ITGA9: variants seen among roughly 807,000 people sequenced by gnomAD.
ITGA9 encodes the protein integrin alpha-9.
A neutral mutation model predicts 127.8 loss-of-function variants in ITGA9; 56 were observed. That is an observed-to-expected ratio of 0.44 (90% CI 0.35 to 0.55). The LOEUF (loss-of-function observed/expected upper bound fraction) is 0.55, where lower values mean the gene tolerates loss of function less well. Among genes scored for constraint, ITGA9 ranks in the 20% least tolerant of loss-of-function variants. The pLI is 0.00. For missense variants in ITGA9, 1,196 were observed against 1,347.1 expected, an observed-to-expected ratio of 0.89 and a Z score of 1.76; for synonymous variants, 508 against 514.5, an observed-to-expected ratio of 0.99 and a Z score of 0.17.
At chr3:37,477,028 C>A (rs1698501526) in intron 3 of ITGA9, among the ~76,000 whole-genome samples, 1 of 152,120 alleles carries the variant, frequency 6.6e-6, no homozygotes, top group African/African-American at 2.4e-5. Flanking sequence ...TAAAATGTTC[C>A]TTGGAAATGG....
chr3:37,523,391 A>T (rs1171714929), intron 11 of ITGA9, 130 bp from the exon 12 acceptor site: 1 of 736,790 alleles, frequency 1.4e-6, no homozygotes, highest in African/African-American at 1.8e-5. Flanking sequence ...TCACATTAGG[A>T]TTACTTTTTT....
At chr3:37,511,099 C>T (rs1270416676) in intron 8 of ITGA9, among the ~76,000 whole-genome samples, 3 of 152,128 alleles carry the variant, frequency 2.0e-5, no homozygotes, top group Middle Eastern at 3.2e-3. Flanking sequence ...AGCAAACCAC[C>T]GGTTCACTTC....
At chr3:37,745,634 G>T (rs1255235123) in intron 22 of ITGA9, 1 of 152,168 alleles carries the variant, frequency 6.6e-6, no homozygotes, top group Non-Finnish European at 1.5e-5. Context: ...AATGAAGAGG[G>T]TATGAGTGTT....
chr3:37,659,250 TG>T (rs1700509431), intron 17 of ITGA9, among the ~76,000 whole-genome samples: 1 of 152,222 alleles, frequency 6.6e-6, no homozygotes, highest in African/African-American at 2.4e-5. Context: ...GAAGTTCTCC[TG>T]GATAATATCC....
chr3:37,631,313 G>A (rs1700228727), intron 16 of ITGA9, among the ~76,000 whole-genome samples: 1 of 152,226 alleles, frequency 6.6e-6, no homozygotes, highest in Non-Finnish European at 1.5e-5. Context: ...CTGCAAGTCT[G>A]TCAGTGGCAC....
Position 37,581,944 on chromosome 3 carries a change from T to C in ITGA9, c.1689+39359T>C, listed in dbSNP as rs373973628. On this transcript the variant is annotated intron_variant, in intron 15 of 27. Transcript: ENST00000264741. Reference sequence around the variant, plus strand: ...GGTCTTAAACCACTTTGAGAAACACTGTCCTGGAGGTAAGCAGCCCCTGTT... The same window carrying C: ...GGTCTTAAACCACTTTGAGAAACACCGTCCTGGAGGTAAGCAGCCCCTGTT... Among the ~76,000 whole-genome samples the C allele has an allele frequency of 9.3e-4, 142 of 152,346 alleles. 2 individuals carry two copies. Among genetic ancestry groups the C allele is most frequent in the African/African-American group, 3.3e-3 (137 of 41,582 alleles).
chr3:37,547,009 C>T (rs1056210215), intron 15 of ITGA9, among the ~76,000 whole-genome samples: 1 of 152,150 alleles, frequency 6.6e-6, no homozygotes, highest in Non-Finnish European at 1.5e-5. Flanking sequence ...GAAACGATGG[C>T]AACAGTTCTG....
intron 18 of ITGA9, among the ~76,000 whole-genome samples, chr3:37,725,893 AT>A (rs1696185346): frequency 6.6e-6 from 1 of 152,252 alleles, no homozygotes; most frequent in Non-Finnish European, 1.5e-5. Context: ...AATAATCAAA[AT>A]TGGGACACTA....
At chr3:37,592,536 G>A (rs1235637225) in intron 15 of ITGA9, among the ~76,000 whole-genome samples, 2 of 152,192 alleles carry the variant, frequency 1.3e-5, no homozygotes, top group Non-Finnish European at 2.9e-5. Flanking sequence ...CATGGCCACA[G>A]CCGGCCTCAG....
At chr3:37,727,221 C>T (rs1050876661) in intron 18 of ITGA9, among the ~76,000 whole-genome samples, 1 of 152,150 alleles carries the variant, frequency 6.6e-6, no homozygotes, top group East Asian at 1.9e-4. Context: ...TGTTTTTACA[C>T]CATCAGAAAG....
intron 22 of ITGA9, among the ~76,000 whole-genome samples, chr3:37,746,543 C>T (rs752518118): frequency 6.6e-6 from 1 of 152,192 alleles, no homozygotes; most frequent in Non-Finnish European, 1.5e-5. Flanking sequence ...AATACAAGCT[C>T]TCCTGTCCTC....
intron 3 of ITGA9, among the ~76,000 whole-genome samples, chr3:37,476,771 G>A (rs1035980449): frequency 2.6e-5 from 4 of 152,070 alleles, no homozygotes; most frequent in Non-Finnish European, 4.4e-5. Flanking sequence ...TACTTATATT[G>A]TGTGTATAAT....
At chr3:37,501,506 A>T (rs1006174743) in intron 5 of ITGA9, among the ~76,000 whole-genome samples, 5 of 152,204 alleles carry the variant, frequency 3.3e-5, no homozygotes, top group Admixed American at 3.3e-4. Flanking sequence ...AAATGTGTAT[A>T]CCATGTCGTC....
chr3:37,732,124 C>T (rs1393694505), intron 18 of ITGA9, among the ~76,000 whole-genome samples: 1 of 152,162 alleles, frequency 6.6e-6, no homozygotes, highest in Non-Finnish European at 1.5e-5. Context: ...TCCCTACAGC[C>T]TTTCTCTTCT....
rs956902389 is a variant in ITGA9, at chr3:37,473,226, G to C, written c.314-128G>C. On this transcript the variant is annotated intron_variant, in intron 2 of 27. Transcript: ENST00000264741. Reference sequence around the variant, plus strand: ...TCTGGATTAAACAGTATAGTACATAGTGATGGAGTTGATTTACATTTTGTG... The same window carrying C: ...TCTGGATTAAACAGTATAGTACATACTGATGGAGTTGATTTACATTTTGTG... 4.1e-5 allele frequency: 27 copies of C among 661,134 alleles called. 1 individual carries two copies. Among genetic ancestry groups the C allele is most frequent in the Non-Finnish European group, 3.7e-5 (13 of 352,954 alleles). 41.0% of individuals were successfully genotyped at this position (661,134 alleles called of 1,614,324 possible). A position where few individuals can be genotyped will look rare whatever the true frequency, so the allele number is the denominator to read the frequency against.
In ITGA9 at chr3:37,508,581, G is replaced by A. The variant is rs547761591; in HGVS notation, c.851G>A (p.Arg284Gln). ...IGKVYIFRAD[R>Q]RSGTLIKIFQ... is the part of the protein sequence containing the mutation. ...TAGGTTTATATTTTCAGAGCTGACCGAAGATCAGGCACCTTAATTAAGATC... is the reference window on the plus strand; with the variant it reads ...TAGGTTTATATTTTCAGAGCTGACCAAAGATCAGGCACCTTAATTAAGATC... Residue 284 changes from arginine to glutamine, a missense_variant, in exon 8 of 28, where the codon CGA (arginine) becomes CAA (glutamine). Arg to Gln is a conservative substitution (Grantham distance 43, BLOSUM62 1). Transcript: ENST00000264741. 29 of 1,613,046 alleles carry A rather than the reference G, an allele frequency of 1.8e-5. No individual in the cohort carries two copies. The highest frequency in any genetic ancestry group is 5.3e-5 in the African/African-American group (4 of 74,800).
chr3:37,765,213 A>G (rs1303472951), intron 23 of ITGA9, among the ~76,000 whole-genome samples: 1 of 152,036 alleles, frequency 6.6e-6, no homozygotes, highest in African/African-American at 2.4e-5. Flanking sequence ...TCTCTACTTG[A>G]GATCGCCCAG....
intron 23 of ITGA9, among the ~76,000 whole-genome samples, chr3:37,773,206 G>A (rs59352592): frequency 0.014 from 2,109 of 152,324 alleles, 48 homozygotes; most frequent in African/African-American, 0.047. Flanking sequence ...GAGGAACTCT[G>A]CTCCCACGCC....
At chr3:37,681,732 T>C (rs1274917217) in intron 17 of ITGA9, among the ~76,000 whole-genome samples, 1 of 152,170 alleles carries the variant, frequency 6.6e-6, no homozygotes, top group Admixed American at 6.5e-5. Flanking sequence ...CAGTCTCTCA[T>C]GCATCTTCAT....
Sources: allele counts gnomAD v4.1 joint callset (sites outside exome capture counted in the v4.1 genomes callset), GRCh38; gene constraint gnomAD v4.1.1; transcripts MANE v1.5; gene names NCBI Gene and HGNC (gene_info 2026-07-23, HGNC 2026-07-21).